Variants in ATXN10 observed in about 807,000 individuals in gnomAD.
The protein encoded by ATXN10 is ataxin 10.
In ATXN10, 28 loss-of-function variants were observed where a neutral mutation model predicts 52.9. That is an observed-to-expected ratio of 0.53 (90% CI 0.39 to 0.73). The LOEUF (loss-of-function observed/expected upper bound fraction) is 0.73, where lower values mean the gene tolerates loss of function less well. Ranked by LOEUF, ATXN10 falls within the 30% of genes least tolerant of loss-of-function variation. The pLI, the probability that ATXN10 is intolerant of heterozygous loss-of-function variation, is 0.00. For missense variants in ATXN10, 565 were observed against 577.0 expected (o/e 0.98, Z 0.21); for synonymous variants, 226 against 221.5 (o/e 1.02, Z -0.18).
chr22:45,785,119 G>C (rs1927278985), intron 9 of ATXN10, among the ~76,000 whole-genome samples: 1 of 152,228 alleles, frequency 6.6e-6, no homozygotes, highest in African/African-American at 2.4e-5. Context: ...GAGCTGCTTT[G>C]TTTTCTCTGC....
chr22:45,802,283 A>G (rs937675667), intron 9 of ATXN10, among the ~76,000 whole-genome samples: 7 of 152,350 alleles, frequency 4.6e-5, no homozygotes, highest in African/African-American at 1.4e-4. Context: ...CGGGCCTACA[A>G]TCAACTCCCA....
intron 9 of ATXN10, among the ~76,000 whole-genome samples, chr22:45,803,009 C>T (rs1440342680): frequency 1.3e-5 from 2 of 152,232 alleles, no homozygotes. Context: ...GGAGCTACTG[C>T]CCAACCCCTT....
rs1227168888 is a variant in ATXN10 at position 45,762,383 on chromosome 22, G to T, written c.1173+21845G>T. Among the ~76,000 whole-genome samples the T allele has an allele frequency of 2.0e-5, 3 of 152,184 alleles. No individual in the cohort carries two copies. Among genetic ancestry groups the T allele is most frequent in the Admixed American group, 6.5e-5 (1 of 15,280 alleles). On this transcript the variant is annotated intron_variant, in intron 9 of 11. Coordinates refer to ENST00000252934, the MANE Select transcript of ATXN10 (RefSeq NM_013236.4). This position sits in a 1 kb window ranked among gnomAD's most constrained non-coding sequence, Gnocchi z 4.3. ...TTTTTTATTTATCTTTGTTATGATA[G>T]ATAGCAGATAAAGCAGTTGATTTCA...
At position 45,828,316 on chromosome 22, in the gene ATXN10, A is replaced by G. The variant is rs534120507; in HGVS notation, c.1238-14675A>G. Among the ~76,000 whole-genome samples the G allele has an allele frequency of 8.6e-4, 131 of 152,220 alleles. No individual in the cohort carries two copies. Among genetic ancestry groups the G allele is most frequent in the Middle Eastern group, 3.4e-3 (1 of 294 alleles). Reference sequence around the variant, plus strand: ...GCTAAGGGGGAAATTTTATAGCTATAAATGCTTACATTAAAAAATAAGAAA... The same window carrying G: ...GCTAAGGGGGAAATTTTATAGCTATGAATGCTTACATTAAAAAATAAGAAA... On this transcript the variant is annotated intron_variant, in intron 10 of 11. Coordinates refer to ENST00000252934, the MANE Select transcript of ATXN10 (RefSeq NM_013236.4). This position sits in a 1 kb window ranked among gnomAD's most constrained non-coding sequence, Gnocchi z 4.5.
rs1923310904 is a variant in ATXN10 at position 45,690,054 on chromosome 22, C to T, written c.308+151C>T. 8.9e-6 allele frequency: 7 copies of T among 790,644 alleles called. No homozygotes were observed. The highest frequency in any genetic ancestry group is 1.5e-5 in the Non-Finnish European group (7 of 474,294). The allele number at this position is 790,644 out of a possible 1,614,324, so 49.0% of individuals were successfully genotyped here. On this transcript the variant is annotated intron_variant, in intron 2 of 11. Transcript: ENST00000252934. This position sits in a 1 kb window ranked among gnomAD's most constrained non-coding sequence, Gnocchi z 4.5. Reference sequence around the variant, plus strand: ...TTGGGAGGCTGAGGCAGGAGGATTGCTTGAGTCCAGGAGTTCAAGACCGGC... The same window carrying T: ...TTGGGAGGCTGAGGCAGGAGGATTGTTTGAGTCCAGGAGTTCAAGACCGGC...
intron 1 of ATXN10, among the ~76,000 whole-genome samples, chr22:45,687,844 A>C (rs1242635135): frequency 6.6e-6 from 1 of 152,180 alleles, no homozygotes; most frequent in Non-Finnish European, 1.5e-5. Flanking sequence ...GCAGATCACG[A>C]GATCGGGAGT....
In ATXN10 at chr22:45,740,449, G is replaced by GAC; in HGVS notation, c.1086_1087dup (p.Ile363ThrfsTer16). 6.2e-7 allele frequency: 1 copy of GAC among 1,613,906 alleles called. No individual in the cohort carries two copies. Among genetic ancestry groups the GAC allele is most frequent in the Non-Finnish European group, 8.5e-7 (1 of 1,179,916 alleles). ...TTGTGGTTGCGTGAGAGCAGAAGGT[G>GAC]ACATCTCCAATGTGGCCAATGGGTT... On this transcript the variant is annotated frameshift_variant, in exon 9 of 12. Transcript: ENST00000252934. LOFTEE classifies it high-confidence loss of function.
At position 45,672,146 on chromosome 22, in the gene ATXN10, CG is replaced by C; in HGVS notation, c.84del (p.Leu29SerfsTer26). 1 of 1,539,484 alleles carries C rather than the reference CG, an allele frequency of 6.5e-7. No homozygotes were observed. On this transcript the variant is annotated frameshift_variant, in exon 1 of 12. Coordinates refer to ENST00000252934, the MANE Select transcript of ATXN10 (RefSeq NM_013236.4). LOFTEE classifies it high-confidence loss of function. ...APIQDLEALR[A>X]LTALFKEQRN... The stretch of plus-strand genomic sequence containing the variant: ...ATCCAAGACCTGGAGGCCCTGCGCG[CG>C]CTCACGGCGCTCTTCAAAGAGCAGC...
rs1033566941 is a variant in ATXN10, at chr22:45,805,518, C to T, written c.1174-1441C>T. ...CGTACAATGCACTGTTCACGTTACT[C>T]AGCCGTGAAAAGAAATGAAGCGCTG... On this transcript the variant is annotated intron_variant, in intron 9 of 11. Coordinates refer to ENST00000252934, the MANE Select transcript of ATXN10 (RefSeq NM_013236.4). This position sits in a 1 kb window ranked among gnomAD's most constrained non-coding sequence, Gnocchi z 4.4. 6.6e-6 allele frequency among the ~76,000 whole-genome samples: 1 copy of T among 152,174 alleles called. No homozygotes were observed. Among genetic ancestry groups the T allele is most frequent in the South Asian group, 2.1e-4 (1 of 4,826 alleles).
chr22:45,826,622 A>C lies in ATXN10; in HGVS notation c.1238-16369A>C, dbSNP rs1928822309. Among the ~76,000 whole-genome samples the C allele has an allele frequency of 6.6e-6, 1 of 152,250 alleles. No homozygotes were observed. The highest frequency in any genetic ancestry group is 2.1e-4 in the South Asian group (1 of 4,834). On this transcript the variant is annotated intron_variant, in intron 10 of 11. Coordinates refer to ENST00000252934, the MANE Select transcript of ATXN10 (RefSeq NM_013236.4). This position sits in a 1 kb window ranked among gnomAD's most constrained non-coding sequence, Gnocchi z 5.0. ...TTAGAAACTTTGGAGGCCAGAAGGC[A>C]GTGGGCCAAAATGTTCAAAGTGCAA...
intron 10 of ATXN10, among the ~76,000 whole-genome samples, chr22:45,807,369 A>T (rs184370818): frequency 6.6e-6 from 1 of 152,272 alleles, no homozygotes; most frequent in East Asian, 1.9e-4. Context: ...GTAGACACGA[A>T]CTATGGCATA....
chr22:45,817,318 CTTTTTTTTTTTTT>C (rs11326332), intron 10 of ATXN10, among the ~76,000 whole-genome samples: 11 of 98,680 alleles, frequency 1.1e-4, no homozygotes, highest in Admixed American at 4.3e-4. Context: ...ATTGATTTAA[CTTTTTTTTTTTTT>C]TTTTTTTTTT....
chr22:45,699,350 T>G (rs993572584), intron 3 of ATXN10, among the ~76,000 whole-genome samples: 1 of 152,170 alleles, frequency 6.6e-6, no homozygotes, highest in African/African-American at 2.4e-5. Flanking sequence ...ATTAATCTTA[T>G]GTGCCTGATG....
rs1342989726 is a variant in ATXN10, at chr22:45,715,354, T to A, written c.648-3059T>A. Among the ~76,000 whole-genome samples the A allele has an allele frequency of 6.6e-6, 1 of 152,212 alleles. No individual in the cohort carries two copies. The highest frequency in any genetic ancestry group is 2.4e-5 in the African/African-American group (1 of 41,458). On this transcript the variant is annotated intron_variant, in intron 5 of 11. Transcript: ENST00000252934. This position sits in a 1 kb window ranked among gnomAD's most constrained non-coding sequence, Gnocchi z 4.4. ...GATTTTAACACCTGCTTTTCAGCCA[T>A]GGGCAGGACTCATAGACAAATATCA...
Position 45,727,748 on chromosome 22 carries a change from T to G in ATXN10, c.729-1677T>G, listed in dbSNP as rs1364408054. On this transcript the variant is annotated intron_variant, in intron 6 of 11. Transcript: ENST00000252934. The surrounding 1 kb of genome is among the most constrained non-coding windows in gnomAD (Gnocchi z 4.6). ...TCTTTTCTTAGGTCTAGTAACTGTT[T>G]TGTGAATCTGGGAGCTTCAGAGTTA... 1.3e-5 allele frequency among the ~76,000 whole-genome samples: 2 copies of G among 152,208 alleles called. No homozygotes were observed. Among genetic ancestry groups the G allele is most frequent in the Non-Finnish European group, 2.9e-5 (2 of 68,030 alleles).
chr22:45,704,706 A>G (rs573935098), intron 5 of ATXN10, among the ~76,000 whole-genome samples: 1 of 152,324 alleles, frequency 6.6e-6, no homozygotes, highest in African/African-American at 2.4e-5. Context: ...TTTTCTGTAC[A>G]GGACCGTGCC....
chr22:45,798,178 C>T (rs1927811167), intron 9 of ATXN10, among the ~76,000 whole-genome samples: 3 of 152,172 alleles, frequency 2.0e-5, no homozygotes, highest in South Asian at 4.1e-4. Flanking sequence ...TATGAAGCCA[C>T]CATTACTCTG....
intron 9 of ATXN10, among the ~76,000 whole-genome samples, chr22:45,802,887 C>G (rs1425167276): frequency 6.6e-6 from 1 of 152,056 alleles, no homozygotes; most frequent in African/African-American, 2.4e-5. Context: ...TTATTTCTCA[C>G]TAATCAAAAA....
intron 10 of ATXN10, among the ~76,000 whole-genome samples, chr22:45,809,288 C>T (rs956216937): frequency 1.3e-5 from 2 of 152,088 alleles, no homozygotes; most frequent in Non-Finnish European, 2.9e-5. Context: ...TACTTTACTC[C>T]TCGCTTCCCA....
Sources: allele counts gnomAD v4.1 joint callset (sites outside exome capture counted in the v4.1 genomes callset), GRCh38; gene constraint gnomAD v4.1.1; non-coding constraint Gnocchi (gnomAD v3.1); transcripts MANE v1.5; gene names NCBI Gene and HGNC (gene_info 2026-07-23, HGNC 2026-07-21).